Variants in SHANK1 observed in about 807,000 individuals in gnomAD.
SHANK1 encodes SH3 and multiple ankyrin repeat domains 1.
SHANK1 carries 35 observed loss-of-function variants against 165.6 expected under a neutral mutation model. The observed-to-expected ratio is 0.21, with a 90% CI of 0.16 to 0.28. The LOEUF (loss-of-function observed/expected upper bound fraction) is 0.28, where lower values mean the gene tolerates loss of function less well. Ranked by LOEUF, SHANK1 falls within the 10% of genes least tolerant of loss-of-function variation. The probability of loss-of-function intolerance (pLI) is 1.00; values close to 1 mark genes in which losing one functional copy is unlikely to be tolerated. For missense variants in SHANK1, 2,681 were observed against 3,036.4 expected (o/e 0.88, Z 2.75); for synonymous variants, 1,428 against 1,384.8 (o/e 1.03, Z -0.69).
At chr19:50,695,722 C>T (rs1194857606) in intron 15 of SHANK1, among the ~76,000 whole-genome samples, 1 of 152,160 alleles carries the variant, frequency 6.6e-6, no homozygotes, top group Non-Finnish European at 1.5e-5. Flanking sequence ...CAGACCAACA[C>T]GCAACGCACC....
rs1599840938 is a variant in SHANK1 at position 50,668,081 on chromosome 19, G to A, written c.3879C>T (p.Phe1293=). Residue 1293 remains phenylalanine (F), a synonymous_variant, in exon 23 of 24, where the codon TTC becomes TTT. Coordinates refer to ENST00000293441, the MANE Select transcript of SHANK1 (RefSeq NM_016148.5). ...RHSKSIDEGM[F]SAEPYLRLES... ...CCAGTCGGAGGTAGGGCTCGGCGGA[G>A]AACATGCCCTCGTCGATGGATTTGG... 2.0e-6 allele frequency: 3 copies of A among 1,481,740 alleles called. No homozygotes were observed. The highest frequency in any genetic ancestry group is 2.7e-6 in the Non-Finnish European group (3 of 1,121,490). 91.8% of individuals were successfully genotyped at this position (1,481,740 alleles called of 1,614,324 possible).
intron 19 of SHANK1, chr19:50,687,176 G>T (rs1281719895): frequency 1.9e-6 from 1 of 522,974 alleles, no homozygotes; most frequent in Non-Finnish European, 3.4e-6. Flanking sequence ...CCCCCTGTCA[G>T]GGGAAATGGG....
chr19:50,699,163 T>C (rs1360959443), intron 12 of SHANK1, among the ~76,000 whole-genome samples: 1 of 152,014 alleles, frequency 6.6e-6, no homozygotes, highest in African/African-American at 2.4e-5. Flanking sequence ...GAGCAGGAGA[T>C]GGGTTGTCAA....
chr19:50,687,125 C>T, intron 19 of SHANK1: 1 of 891,344 alleles, frequency 1.1e-6, no homozygotes, highest in East Asian at 3.2e-5. Flanking sequence ...AGCCCGCCTC[C>T]CTCGGGGCCC....
rs1986779844 is a variant in SHANK1, at chr19:50,697,511, G to A, written c.1937+78C>T. 9.1e-7 allele frequency: 1 copy of A among 1,101,392 alleles called. No individual in the cohort carries two copies. The highest frequency in any genetic ancestry group is 1.4e-6 in the Non-Finnish European group (1 of 712,736). The allele number at this position is 1,101,392 out of a possible 1,614,324, so 68.2% of individuals were successfully genotyped here. ...CAGATTAGAAAGGGGGCTTAGAGGT[G>A]ATGGAAATATTTAAAGGTGTACATT... On this transcript the variant is annotated intron_variant, in intron 14 of 23. Transcript: ENST00000293441. This position sits in a 1 kb window ranked among gnomAD's most constrained non-coding sequence, Gnocchi z 4.7.
At chr19:50,709,874 C>G (rs900471661) in intron 8 of SHANK1, among the ~76,000 whole-genome samples, 6 of 152,208 alleles carry the variant, frequency 3.9e-5, no homozygotes, top group African/African-American at 1.4e-4. Context: ...CAAAATTTCT[C>G]TGTTTATCTG....
chr19:50,677,551 T>C (rs988696549), intron 21 of SHANK1, among the ~76,000 whole-genome samples: 1 of 152,188 alleles, frequency 6.6e-6, no homozygotes, highest in Non-Finnish European at 1.5e-5. Flanking sequence ...CAAATGTAAA[T>C]TCTCTAAAGG....
In SHANK1 at chr19:50,690,536, C is replaced by G. The variant is rs1986507584; in HGVS notation, c.1965-1257G>C. Among the ~76,000 whole-genome samples the G allele has an allele frequency of 6.6e-6, 1 of 152,100 alleles. No homozygotes were observed. Reference sequence around the variant, plus strand: ...GAGCTTCCTTCAGCACTGTCTAAAGCCTGTCCCAGGGCACACTTGTAGCAC... The same window carrying G: ...GAGCTTCCTTCAGCACTGTCTAAAGGCTGTCCCAGGGCACACTTGTAGCAC... On this transcript the variant is annotated intron_variant, in intron 15 of 23. Coordinates refer to ENST00000293441, the MANE Select transcript of SHANK1 (RefSeq NM_016148.5). The surrounding 1 kb of genome is among the most constrained non-coding windows in gnomAD (Gnocchi z 4.9).
chr19:50,710,400 T>G (rs988493508), intron 8 of SHANK1, among the ~76,000 whole-genome samples: 4 of 152,166 alleles, frequency 2.6e-5, no homozygotes, highest in Non-Finnish European at 5.9e-5. Flanking sequence ...AGACCAGCTC[T>G]GTCATGCTAG....
chr19:50,668,308 C>T lies in SHANK1; in HGVS notation c.3652G>A (p.Ala1218Thr). 1 of 1,260,928 alleles carries T rather than the reference C, an allele frequency of 7.9e-7. No individual in the cohort carries two copies. Among genetic ancestry groups the T allele is most frequent in the Non-Finnish European group, 1.0e-6 (1 of 1,000,304 alleles). 78.1% of individuals were successfully genotyped at this position (1,260,928 alleles called of 1,614,324 possible). The change falls in exon 23 of 24, where the codon GCC becomes ACC. Residue 1218 changes from alanine to threonine, a missense_variant. This residue lies in a region of SHANK1 where 1,713 missense variants were observed against 1,630.2 expected (regional missense o/e 1.05). Coordinates refer to ENST00000293441, the MANE Select transcript of SHANK1 (RefSeq NM_016148.5). ...AGCGTGGCCGGGCCGCTGGGCGAGGCGGGGGTGGGCACGGGCGAGGGGGAC... is the reference window on the plus strand; with the variant it reads ...AGCGTGGCCGGGCCGCTGGGCGAGGTGGGGGTGGGCACGGGCGAGGGGGAC... ...PPSPSPVPTP[A>T]SPSGPATLDF...
chr19:50,666,784 C>T lies in SHANK1; in HGVS notation c.5176G>A (p.Asp1726Asn). 6.4e-7 allele frequency: 1 copy of T among 1,551,800 alleles called. No individual in the cohort carries two copies. The highest frequency in any genetic ancestry group is 1.2e-5 in the South Asian group (1 of 84,238). ...AGVASGPELL[D>N]TYVAYLDGQA... ...CCGTCCAGGTAGGCCACATAGGTGT[C>T]CAGAAGCTCCGGCCCACTGGCCACA... Residue 1726 changes from aspartate to asparagine, a missense_variant, in exon 23 of 24, where the codon GAC becomes AAC. This residue lies in a region of SHANK1 where 1,713 missense variants were observed against 1,630.2 expected (regional missense o/e 1.05). Transcript: ENST00000293441.
chr19:50,686,388 A>C lies in SHANK1; in HGVS notation c.2459-33T>G. ...TAGATGAATGAACAGAGGTGGGAAG[A>C]CAATGAAATGAAGTTTGCTTTGACC... On this transcript the variant is annotated intron_variant, in intron 20 of 23. Coordinates refer to ENST00000293441, the MANE Select transcript of SHANK1 (RefSeq NM_016148.5). This position sits in a 1 kb window ranked among gnomAD's most constrained non-coding sequence, Gnocchi z 5.7. The C allele has an allele frequency of 6.9e-7, 1 of 1,444,516 alleles. No individual in the cohort carries two copies. Among genetic ancestry groups the C allele is most frequent in the South Asian group, 1.3e-5 (1 of 79,044 alleles). The allele number at this position is 1,444,516 out of a possible 1,614,324, so 89.5% of individuals were successfully genotyped here.
Position 50,686,491 on chromosome 19 carries a change from G to T in SHANK1, c.2459-136C>A. 1 of 757,082 alleles carries T rather than the reference G, an allele frequency of 1.3e-6. No homozygotes were observed. The allele number at this position is 757,082 out of a possible 1,614,324, so 46.9% of individuals were successfully genotyped here. Reference sequence around the variant, plus strand: ...ACCAGGAAAGGGCAGCCCTGCCTGGGTCCGGGTGGACGGGCAGTCCCGCTT... The same window carrying T: ...ACCAGGAAAGGGCAGCCCTGCCTGGTTCCGGGTGGACGGGCAGTCCCGCTT... On this transcript the variant is annotated intron_variant, in intron 20 of 23. Transcript: ENST00000293441. The surrounding 1 kb of genome is among the most constrained non-coding windows in gnomAD (Gnocchi z 5.7).
chr19:50,713,910 A>G lies in SHANK1; in HGVS notation c.680T>C (p.Val227Ala). The change falls in exon 6 of 24, where the codon GTA becomes GCA. Residue 227 changes from valine (V) to alanine (A), a missense_variant. Coordinates refer to ENST00000293441, the MANE Select transcript of SHANK1 (RefSeq NM_016148.5). This position sits in a 1 kb window ranked among gnomAD's most constrained non-coding sequence, Gnocchi z 6.2. ...CAGGCACAGGGTTCGAATCACCTCT[A>G]CAGAGCCTTCGGTCTGGGCCGCCAG... ...LTLAAQTEGSVEVIRTLCLGG... is the reference protein window; with the variant it reads ...LTLAAQTEGSAEVIRTLCLGG... The G allele has an allele frequency of 6.2e-7, 1 of 1,613,788 alleles. No homozygotes were observed. The highest frequency in any genetic ancestry group is 1.1e-5 in the South Asian group (1 of 91,080).
intron 15 of SHANK1, among the ~76,000 whole-genome samples, chr19:50,695,765 C>T (rs1290773079): frequency 6.6e-6 from 1 of 152,144 alleles, no homozygotes; most frequent in African/African-American, 2.4e-5. Flanking sequence ...CCAGGACATT[C>T]AGACTGGGCC....
intron 8 of SHANK1, 72 bp downstream of exon 8, chr19:50,711,299 G>A: frequency 2.1e-6 from 2 of 954,720 alleles, no homozygotes; most frequent in Non-Finnish European, 3.3e-6. Flanking sequence ...CAAGAGGAGT[G>A]TCTGAGCTTG....
At chr19:50,673,284 G>C (rs1414208306) in intron 21 of SHANK1, among the ~76,000 whole-genome samples, 1 of 151,912 alleles carries the variant, frequency 6.6e-6, no homozygotes, top group Non-Finnish European at 1.5e-5. Flanking sequence ...CCCACCTCCG[G>C]CTCCCGTTCT....
intron 15 of SHANK1, among the ~76,000 whole-genome samples, chr19:50,695,139 GTCCGGGCCCC>G (rs1986692786): frequency 6.8e-6 from 1 of 146,434 alleles, no homozygotes; most frequent in Non-Finnish European, 1.5e-5. Context: ...GAACCCCCGT[GTCCGGGCCCC>G]CAGGCCCCGC....
intron 21 of SHANK1, among the ~76,000 whole-genome samples, chr19:50,672,675 C>T (rs1192440368): frequency 1.3e-5 from 2 of 151,780 alleles, no homozygotes; most frequent in Admixed American, 1.3e-4. Flanking sequence ...TTTCCATCGA[C>T]TCTTGATCTG....
Sources: allele counts gnomAD v4.1 joint callset (sites outside exome capture counted in the v4.1 genomes callset), GRCh38; gene constraint gnomAD v4.1.1; regional missense constraint gnomAD v4.1.1; non-coding constraint Gnocchi (gnomAD v3.1); transcripts MANE v1.5; gene names NCBI Gene and HGNC (gene_info 2026-07-23, HGNC 2026-07-21).